UBE2U: variants seen among roughly 807,000 people sequenced by gnomAD.
The protein encoded by UBE2U is ubiquitin conjugating enzyme E2 U, also known as ubiquitin-conjugating enzyme E2 U.
UBE2U carries 39 observed loss-of-function variants against 41.2 expected under a neutral mutation model. The ratio of observed to expected loss-of-function variants is 0.95; its 90% CI spans 0.73 to 1.24. UBE2U has a LOEUF of 1.24. Among genes scored for constraint, UBE2U ranks in the 50% most tolerant of loss-of-function variants. UBE2U has a pLI of 0.00. For missense variants in UBE2U, 336 were observed against 363.1 expected (o/e 0.93, Z 0.61); for synonymous variants, 107 against 117.8 (o/e 0.91, Z 0.60).
intron 4 of UBE2U, among the ~76,000 whole-genome samples, chr1:64,213,515 T>C (rs1651785634): frequency 6.6e-6 from 1 of 152,212 alleles, no homozygotes; most frequent in South Asian, 2.1e-4. Flanking sequence ...AGATTTCTGT[T>C]AGAACACTAA....
chr1:64,239,810 A>G (rs1325012009), intron 7 of UBE2U, among the ~76,000 whole-genome samples: 2 of 152,098 alleles, frequency 1.3e-5, no homozygotes, highest in Non-Finnish European at 2.9e-5. Context: ...GCTATTGTGA[A>G]TAGTGCCACA....
chr1:64,257,638 A>G (rs1355804745), intron 8 of UBE2U, among the ~76,000 whole-genome samples: 1 of 152,140 alleles, frequency 6.6e-6, no homozygotes, highest in Non-Finnish European at 1.5e-5. Context: ...GGGGATGGAG[A>G]GCATCAGGAA....
At chr1:64,205,588 A>T (rs1419676943) in intron 1 of UBE2U, 51 bp from the exon 2 acceptor site, 1 of 1,485,646 alleles carries the variant, frequency 6.7e-7, no homozygotes, top group East Asian at 2.3e-5. Flanking sequence ...TCAAAACTTC[A>T]ATAAATACTT....
chr1:64,205,559 G>A, intron 1 of UBE2U, 80 bp from the exon 2 acceptor site: 1 of 1,129,866 alleles, frequency 8.9e-7, no homozygotes, highest in South Asian at 1.5e-5. Context: ...AGAATTCAGT[G>A]TGACCTGGTA....
intron 7 of UBE2U, among the ~76,000 whole-genome samples, chr1:64,241,371 A>G (rs1032462250): frequency 1.3e-5 from 2 of 152,222 alleles, no homozygotes; most frequent in African/African-American, 4.8e-5. Flanking sequence ...ATGGTCTCCT[A>G]TAAATTTTAT....
intron 8 of UBE2U, among the ~76,000 whole-genome samples, chr1:64,252,033 G>T (rs2100510648): frequency 6.6e-6 from 1 of 152,332 alleles, no homozygotes; most frequent in African/African-American, 2.4e-5. Context: ...CACCATTTCT[G>T]CAGTTCTGTT....
At chr1:64,258,917 A>C (rs2100540484) in intron 8 of UBE2U, among the ~76,000 whole-genome samples, 1 of 152,280 alleles carries the variant, frequency 6.6e-6, no homozygotes, top group East Asian at 1.9e-4. Context: ...ACAATGGTTG[A>C]ACTAGTTTAC....
chr1:64,223,266 G>A (rs1323562437), intron 6 of UBE2U, among the ~76,000 whole-genome samples: 1 of 152,066 alleles, frequency 6.6e-6, no homozygotes, highest in East Asian at 1.9e-4. Flanking sequence ...CAAATTATTT[G>A]TTTTATTTTG....
At chr1:64,263,826 C>T (rs1225910080) in intron 9 of UBE2U, among the ~76,000 whole-genome samples, 1 of 152,190 alleles carries the variant, frequency 6.6e-6, no homozygotes, top group Non-Finnish European at 1.5e-5. Context: ...CATTTTCACA[C>T]ATCTCTCCAC....
chr1:64,239,090 G>GAAGAAGAAGAAGAAGAAGAAGA (rs1557729590), intron 7 of UBE2U, among the ~76,000 whole-genome samples: 1 of 48,120 alleles, frequency 2.1e-5, no homozygotes, highest in African/African-American at 8.2e-5. Flanking sequence ...GGAAGAGGAA[G>GAAGAAGAAGAAGAAGAAGAAGA]AGGAAGAAGA....
At chr1:64,227,976 A>G (rs1369347126) in intron 6 of UBE2U, among the ~76,000 whole-genome samples, 1 of 152,244 alleles carries the variant, frequency 6.6e-6, no homozygotes, top group Non-Finnish European at 1.5e-5. Flanking sequence ...CAATATTATT[A>G]TATTGTCAAT....
In UBE2U at chr1:64,241,179, C is replaced by G. The variant is rs376174495; in HGVS notation, c.596-473C>G. ...AAAGCACAGGGACTTCCTTATCATG[C>G]CACTTCAAGTTGACTGGGCCCCTTC... On this transcript the variant is annotated intron_variant, in intron 7 of 9. Transcript: ENST00000371077. 7.9e-5 allele frequency among the ~76,000 whole-genome samples: 12 copies of G among 152,296 alleles called. No individual in the cohort carries two copies. The South Asian group carries it at 2.5e-3, about 32-fold the overall frequency.
At chr1:64,214,459 T>C (rs1268439713) in intron 4 of UBE2U, among the ~76,000 whole-genome samples, 1 of 152,206 alleles carries the variant, frequency 6.6e-6, no homozygotes, top group Non-Finnish European at 1.5e-5. Context: ...GAAGTGTACT[T>C]GAAATGTTGG....
chr1:64,259,007 C>T (rs565680767), intron 8 of UBE2U, among the ~76,000 whole-genome samples: 75 of 152,254 alleles, frequency 4.9e-4, no homozygotes, highest in African/African-American at 1.3e-3. Context: ...TTTTAATGAT[C>T]GTCATTCTAA....
At chr1:64,212,877 A>C (rs1269903302) in intron 4 of UBE2U, among the ~76,000 whole-genome samples, 1 of 152,194 alleles carries the variant, frequency 6.6e-6, no homozygotes, top group African/African-American at 2.4e-5. Context: ...GCAAAGTGAC[A>C]CCAAAGTGTT....
intron 8 of UBE2U, 112 bp from the exon 9 acceptor site, chr1:64,260,491 C>G: frequency 1.3e-6 from 1 of 762,078 alleles, no homozygotes; most frequent in East Asian, 2.7e-5. Context: ...TATTCAAAGC[C>G]TATTGTTCTA....
Position 64,239,160 on chromosome 1 carries a change from GAAGAAGAA to G in UBE2U, c.596-2491_596-2484del, listed in dbSNP as rs1644773212. ...GAAGAAGAAGAAGAAGAAGAAGAAAGAAGAAGAAGAAGAAGAAGAAGAAGAAGAAGAAA... is the reference window on the plus strand; with the variant it reads ...GAAGAAGAAGAAGAAGAAGAAGAAAGGAAGAAGAAGAAGAAGAAGAAGAAA... On this transcript the variant is annotated intron_variant, in intron 7 of 9. Coordinates refer to ENST00000371077, the MANE Select transcript of UBE2U (RefSeq NM_001366232.2). Among the ~76,000 whole-genome samples the G allele has an allele frequency of 3.2e-3, 230 of 70,810 alleles. 1 individual carries two copies. Among genetic ancestry groups the G allele is most frequent in the Admixed American group, 7.7e-3 (56 of 7,262 alleles). 46.5% of individuals were successfully genotyped at this position (70,810 alleles called of 152,430 possible).
chr1:64,265,161 T>C (rs1054778616), intron 9 of UBE2U, among the ~76,000 whole-genome samples: 2 of 152,106 alleles, frequency 1.3e-5, no homozygotes, highest in Admixed American at 1.3e-4. Context: ...CACCTGAAGA[T>C]GAAGACAACA....
At chr1:64,228,089 AG>A (rs950063044) in intron 6 of UBE2U, among the ~76,000 whole-genome samples, 3 of 152,190 alleles carry the variant, frequency 2.0e-5, no homozygotes, top group African/African-American at 7.2e-5. Flanking sequence ...TATATCTAAA[AG>A]CACAAAGGAC....
Sources: allele counts gnomAD v4.1 joint callset (sites outside exome capture counted in the v4.1 genomes callset), GRCh38; gene constraint gnomAD v4.1.1; transcripts MANE v1.5; gene names NCBI Gene and HGNC (gene_info 2026-07-23, HGNC 2026-07-21).